SVIL: variants seen among roughly 807,000 people sequenced by gnomAD.
SVIL encodes archvillin.
SVIL carries 101 observed loss-of-function variants against 240.4 expected under a neutral mutation model. That is an observed-to-expected ratio of 0.42 (90% CI 0.36 to 0.50). The LOEUF is 0.50. Ranked by LOEUF, SVIL falls within the 20% of genes least tolerant of loss-of-function variation. The pLI, the probability that SVIL is intolerant of heterozygous loss-of-function variation, is 0.01. For synonymous variants in SVIL, 999 were observed against 1,100.0 expected, an observed-to-expected ratio of 0.91 and a Z score of 1.82; for missense variants, 2,512 against 2,818.7, an observed-to-expected ratio of 0.89 and a Z score of 2.46.
At chr10:29,685,854 G>A (rs1961028537) in intron 2 of SVIL, among the ~76,000 whole-genome samples, 1 of 152,108 alleles carries the variant, frequency 6.6e-6, no homozygotes, top group South Asian at 2.1e-4. Flanking sequence ...TTGGCTGAGA[G>A]GATGTTCCAT....
At chr10:29,721,179 A>C (rs1963953689) in intron 1 of SVIL, among the ~76,000 whole-genome samples, 1 of 152,170 alleles carries the variant, frequency 6.6e-6, no homozygotes, top group Non-Finnish European at 1.5e-5. Context: ...ACCACAAAAT[A>C]ACAAAACAAA....
At position 29,615,355 on chromosome 10, in the gene SVIL, A is replaced by G. The variant is rs116624941; in HGVS notation, c.-201+19065T>C. Among the ~76,000 whole-genome samples the G allele has an allele frequency of 1.4e-3, 215 of 152,330 alleles. 1 individual carries two copies. The highest frequency in any genetic ancestry group is 4.9e-3 in the African/African-American group (203 of 41,576). ...AACATACAATGGTGTATTATTATTT[A>G]CCATATTTTCCCCACCAATTCACAA... is the stretch of plus-strand genomic sequence containing the variant. On this transcript the variant is annotated intron_variant, in intron 1 of 37. Transcript: ENST00000355867.
chr10:29,499,892 G>A (rs1180693017), intron 17 of SVIL, among the ~76,000 whole-genome samples: 2 of 152,230 alleles, frequency 1.3e-5, no homozygotes, highest in Non-Finnish European at 2.9e-5. Flanking sequence ...GAACTATGCT[G>A]TAGACAAAAC....
intron 11 of SVIL, 118 bp from the exon 12 acceptor site, chr10:29,529,962 A>G: frequency 1.9e-6 from 2 of 1,079,776 alleles, no homozygotes; most frequent in Non-Finnish European, 2.6e-6. Flanking sequence ...CTGGAGGCCA[A>G]GAGTTCAAGA....
chr10:29,668,516 C>G lies in SVIL; in HGVS notation c.-300-10448G>C, dbSNP rs1260108162. On this transcript the variant is annotated intron_variant, in intron 2 of 35. Coordinates refer to the SVIL transcript ENST00000375400. ...TGAGATGAAGTCTCACTCTGTTGCC[C>G]AGGCTGGAGTGCAATGGCGCCATCT... Among the ~76,000 whole-genome samples the G allele has an allele frequency of 1.3e-5, 2 of 152,142 alleles. 1 individual carries two copies. The highest frequency in any genetic ancestry group is 3.9e-4 in the East Asian group (2 of 5,190).
At chr10:29,666,634 A>T (rs1219112362) in intron 2 of SVIL, among the ~76,000 whole-genome samples, 1 of 152,224 alleles carries the variant, frequency 6.6e-6, no homozygotes, top group Non-Finnish European at 1.5e-5. Context: ...ACAGATGTGC[A>T]CTTAGCATCT....
intron 1 of SVIL, among the ~76,000 whole-genome samples, chr10:29,729,651 T>G (rs12762820): frequency 0.3 from 38,152 of 128,758 alleles, 6,989 homozygotes; most frequent in East Asian, 0.45. Context: ...CTGGCCAACA[T>G]AGTGAAACCC....
chr10:29,518,047 T>G (rs944422835), intron 16 of SVIL, among the ~76,000 whole-genome samples: 1 of 152,216 alleles, frequency 6.6e-6, no homozygotes, highest in Non-Finnish European at 1.5e-5. Flanking sequence ...AGTTTTTTGC[T>G]GGTTATGGTT....
At position 29,590,825 on chromosome 10, in the gene SVIL, A is replaced by T. The variant is rs1185545548; in HGVS notation, c.-200-21513T>A. Among the ~76,000 whole-genome samples, 6 of 152,142 alleles carry T rather than the reference A, an allele frequency of 3.9e-5. 1 individual carries two copies. The highest frequency in any genetic ancestry group is 2.0e-4 in the Admixed American group (3 of 15,278). ...GAAGTACTAACCCCTCTTTGAAAAA[A>T]CTTAAAAACTTGATTCCTGAACTGC... is the stretch of plus-strand genomic sequence containing the variant. On this transcript the variant is annotated intron_variant, in intron 1 of 37. Coordinates refer to ENST00000355867, the MANE Select transcript of SVIL (RefSeq NM_021738.3).
At chr10:29,532,373 G>C (rs1030850210) in intron 8 of SVIL, among the ~76,000 whole-genome samples, 156 bp downstream of exon 8, 1 of 152,226 alleles carries the variant, frequency 6.6e-6, no homozygotes, top group Non-Finnish European at 1.5e-5. Context: ...AAGCAGAGTG[G>C]TAGTTTTTGA....
chr10:29,668,520 C>T (rs1315921692), intron 2 of SVIL, among the ~76,000 whole-genome samples: 1 of 152,162 alleles, frequency 6.6e-6, no homozygotes, highest in Non-Finnish European at 1.5e-5. Flanking sequence ...GTTGCCCAGG[C>T]TGGAGTGCAA....
At chr10:29,505,318 T>C (rs539360101) in intron 17 of SVIL, among the ~76,000 whole-genome samples, 56 of 151,908 alleles carry the variant, frequency 3.7e-4, no homozygotes, top group African/African-American at 1.3e-3. Context: ...AGAGTGAAAC[T>C]CCATCTCAAA....
intron 17 of SVIL, among the ~76,000 whole-genome samples, chr10:29,507,299 C>A (rs575011780): frequency 3.8e-4 from 58 of 152,270 alleles, no homozygotes; most frequent in African/African-American, 1.1e-3. Flanking sequence ...AAGAACATGG[C>A]TGCATCTCCT....
At chr10:29,551,602 T>G (rs1349144693) in intron 5 of SVIL, among the ~76,000 whole-genome samples, 2 of 152,178 alleles carry the variant, frequency 1.3e-5, no homozygotes, top group Non-Finnish European at 2.9e-5. Context: ...TTTGTGGAGT[T>G]CAGTATTTCA....
intron 3 of SVIL, among the ~76,000 whole-genome samples, chr10:29,640,025 A>C (rs1958433931): frequency 6.6e-6 from 1 of 152,192 alleles, no homozygotes; most frequent in Admixed American, 6.5e-5. Flanking sequence ...ACAAGCCCAG[A>C]ATATGCTCCA....
intron 1 of SVIL, among the ~76,000 whole-genome samples, chr10:29,592,847 T>G (rs1271661682): frequency 6.6e-6 from 1 of 152,196 alleles, no homozygotes; most frequent in South Asian, 2.1e-4. Flanking sequence ...AGATTAAAGT[T>G]CATTCTAATG....
At position 29,700,625 on chromosome 10, in the gene SVIL, C is replaced by A. The variant is rs533812455; in HGVS notation, c.-399-13974G>T. Among the ~76,000 whole-genome samples the A allele has an allele frequency of 3.2e-3, 493 of 152,168 alleles. 4 individuals are homozygous for A. Among genetic ancestry groups the A allele is most frequent in the Non-Finnish European group, 5.2e-3 (357 of 68,012 alleles). Reference sequence around the variant, plus strand: ...AGCTGGGACTACAGGCGCCCGCCACCACACCCGACTAGTTTTTTGTATTTT... The same window carrying A: ...AGCTGGGACTACAGGCGCCCGCCACAACACCCGACTAGTTTTTTGTATTTT... On this transcript the variant is annotated intron_variant, in intron 1 of 35. Coordinates refer to the SVIL transcript ENST00000375400.
chr10:29,586,035 C>T (rs1390674186), intron 1 of SVIL, among the ~76,000 whole-genome samples: 3 of 152,328 alleles, frequency 2.0e-5, no homozygotes, highest in African/African-American at 4.8e-5. Flanking sequence ...AGGAAAGTGC[C>T]GTCTTCACTA....
intron 2 of SVIL, among the ~76,000 whole-genome samples, chr10:29,672,272 C>T (rs1723110254): frequency 6.6e-6 from 1 of 152,150 alleles, no homozygotes; most frequent in Admixed American, 6.5e-5. Flanking sequence ...ACTGTATGGT[C>T]CACAAAACCT....
Sources: gnomAD v4.1 joint callset for allele counts (sites outside exome capture counted in the v4.1 genomes callset) on GRCh38, gnomAD v4.1.1 for gene constraint, MANE v1.5 for transcripts, NCBI Gene and HGNC (gene_info 2026-07-23, HGNC 2026-07-21) for gene names.